PRCD: variants seen among roughly 807,000 people sequenced by gnomAD.
The protein encoded by PRCD is photoreceptor disc component.
Under a neutral mutation model 10.1 loss-of-function variants are expected in PRCD, and 12 were observed. The observed-to-expected ratio is 1.18, with a 90% CI of 0.76 to 1.92. PRCD has a LOEUF of 1.92. Among genes scored for constraint, PRCD ranks in the 40% most tolerant of loss-of-function variants. The pLI is 0.00. For synonymous variants in PRCD, 31 were observed against 26.2 expected, an observed-to-expected ratio of 1.18 and a Z score of -0.56; for missense variants, 61 against 72.2, an observed-to-expected ratio of 0.84 and a Z score of 0.56.
At chr17:76,543,713 C>G (rs2075019132) in intron 4 of PRCD, 90 bp from the exon 5 acceptor site, 1 of 466,130 alleles carries the variant, frequency 2.1e-6, no homozygotes, top group South Asian at 1.6e-5. Flanking sequence ...AGCCCAGGAG[C>G]TATTCTGTTA....
chr17:76,531,985 C>G lies in PRCD; in HGVS notation n.45+4152C>G, dbSNP rs895496741. ...TGCTTCCTTCCCAAACTCTACACCCCCTTCAAGCCCTGCTCTAGTCATAGC... is the reference window on the plus strand; with the variant it reads ...TGCTTCCTTCCCAAACTCTACACCCGCTTCAAGCCCTGCTCTAGTCATAGC... On this transcript the variant is annotated intron_variant and non_coding_transcript_variant, in intron 1 of 4. Coordinates refer to the PRCD transcript ENST00000397633. The surrounding 1 kb of genome is among the most constrained non-coding windows in gnomAD (Gnocchi z 7.4). 29 of 316,170 alleles carry G rather than the reference C, an allele frequency of 9.2e-5. No homozygotes were observed. Among genetic ancestry groups the G allele is most frequent in the African/African-American group, 4.5e-4 (22 of 48,408 alleles). 19.6% of individuals were successfully genotyped at this position (316,170 alleles called of 1,614,324 possible).
upstream of PRCD, among the ~76,000 whole-genome samples, chr17:76,539,402 C>A (rs1399004637): frequency 6.6e-6 from 1 of 152,202 alleles, no homozygotes; most frequent in Non-Finnish European, 1.5e-5. Flanking sequence ...TAAGTGGCTG[C>A]ACCTGTCTAT....
At position 76,545,143 on chromosome 17, in the gene PRCD, C is replaced by T. The variant is rs1210570702; in HGVS notation, c.*1493C>T. 2.0e-5 allele frequency: 9 copies of T among 456,664 alleles called. No homozygotes were observed. In the East Asian group the frequency reaches 6.3e-4, roughly 32 times the overall value. The allele number at this position is 456,664 out of a possible 1,614,324, so 28.3% of individuals were successfully genotyped here. A position where few individuals can be genotyped will look rare whatever the true frequency, so the allele number is the denominator to read the frequency against. ...ACCTTCCCCGCACACCCAGCCCACG[C>T]TCGCCTCTTATTCCCGGGGCCTCTC... On this transcript the variant is annotated 3_prime_UTR_variant, in exon 5 of 5. Coordinates refer to ENST00000592014, the MANE Select transcript of PRCD (RefSeq NM_001077620.3).
intron 4 of PRCD, 113 bp from the exon 5 acceptor site, chr17:76,543,690 C>T (rs1372862156): frequency 2.2e-6 from 1 of 455,848 alleles, no homozygotes; most frequent in Non-Finnish European, 4.6e-6. Flanking sequence ...GCTGGCCTGG[C>T]CAACTGCCTG....
In PRCD at chr17:76,540,100, C is replaced by A. The variant is rs766885858; in HGVS notation, c.-42C>A. On this transcript the variant is annotated 5_prime_UTR_variant, in exon 1 of 5. Transcript: ENST00000592014. The surrounding 1 kb of genome is among the most constrained non-coding windows in gnomAD (Gnocchi z 5.0). The stretch of plus-strand genomic sequence containing the variant: ...GCCATTTTGGCCCCTCGCCTGTGGC[C>A]TTCTGCAGACTTGGCCTGGGAGGGG... The A allele has an allele frequency of 1.3e-6, 2 of 1,575,166 alleles. No individual in the cohort carries two copies. Among genetic ancestry groups the A allele is most frequent in the Admixed American group, 1.8e-5 (1 of 54,238 alleles).
At chr17:76,551,921 G>C (rs1419439594) in intron 1 of PRCD, 5 of 151,526 alleles carry the variant, frequency 3.3e-5, no homozygotes, top group African/African-American at 1.2e-4. Context: ...TGGGGGGGTG[G>C]GGGATAATGA....
chr17:76,543,793 C>T lies in PRCD; in HGVS notation c.*153-10C>T. 1 of 470,886 alleles carries T rather than the reference C, an allele frequency of 2.1e-6. No individual in the cohort carries two copies. Among genetic ancestry groups the T allele is most frequent in the Non-Finnish European group, 4.4e-6 (1 of 227,068 alleles). The allele number at this position is 470,886 out of a possible 1,614,324, so 29.2% of individuals were successfully genotyped here. ...TGGCACTCGCTTTTGTGTCATTTGCCTTTCCCCAGTTCCCAGAGCTCATCC... is the reference window on the plus strand; with the variant it reads ...TGGCACTCGCTTTTGTGTCATTTGCTTTTCCCCAGTTCCCAGAGCTCATCC... On this transcript the variant is annotated splice_polypyrimidine_tract_variant and intron_variant, in intron 4 of 4. Transcript: ENST00000592014.
chr17:76,549,392 GAAGA>G (rs1338439861), downstream of PRCD, among the ~76,000 whole-genome samples: 4 of 152,332 alleles, frequency 2.6e-5, no homozygotes, highest in East Asian at 7.7e-4. Context: ...CTTTGGGAAA[GAAGA>G]AAGATACTCC....
downstream of PRCD, among the ~76,000 whole-genome samples, chr17:76,548,242 A>G (rs942643785): frequency 6.6e-6 from 1 of 151,452 alleles, no homozygotes; most frequent in Non-Finnish European, 1.5e-5. Context: ...GCATACACAT[A>G]CACACAGTCA....
chr17:76,552,939 G>T, intron 1 of PRCD: 1 of 126,162 alleles, frequency 7.9e-6, no homozygotes. Flanking sequence ...GTATATATAT[G>T]TATACATGTA....
At chr17:76,539,832 T>C (rs1412065929), upstream of PRCD, among the ~76,000 whole-genome samples, 2 of 152,176 alleles carry the variant, frequency 1.3e-5, no homozygotes, top group Non-Finnish European at 2.9e-5. Flanking sequence ...GACAGCACAT[T>C]TGTTTAGAGT....
exon 1 of PRCD, chr17:76,527,832 C>T (rs989905522): frequency 5.3e-5 from 24 of 453,384 alleles, no homozygotes; most frequent in East Asian, 3.5e-4. Context: ...CTAGGACAGC[C>T]GGTGAGTCAG....
In PRCD at chr17:76,540,701, G is replaced by A; in HGVS notation, c.143+128G>A. On this transcript the variant is annotated intron_variant, in intron 2 of 4. Coordinates refer to ENST00000592014, the MANE Select transcript of PRCD (RefSeq NM_001077620.3). The surrounding 1 kb of genome is among the most constrained non-coding windows in gnomAD (Gnocchi z 5.0). Reference sequence around the variant, plus strand: ...CACCGTATCCTGGCCCTTGCCCTAAGCACCCTGCTCCCTGTCCGCCTGCTG... The same window carrying A: ...CACCGTATCCTGGCCCTTGCCCTAAACACCCTGCTCCCTGTCCGCCTGCTG... 1.1e-6 allele frequency: 1 copy of A among 918,852 alleles called. No homozygotes were observed. The highest frequency in any genetic ancestry group is 1.4e-5 in the South Asian group (1 of 70,870). The allele number at this position is 918,852 out of a possible 1,614,324, so 56.9% of individuals were successfully genotyped here. A position where few individuals can be genotyped will look rare whatever the true frequency, so the allele number is the denominator to read the frequency against.
chr17:76,528,643 GT>G lies in PRCD; in HGVS notation n.45+812del. 1 of 1,267,678 alleles carries G rather than the reference GT, an allele frequency of 7.9e-7. No individual in the cohort carries two copies. Among genetic ancestry groups the G allele is most frequent in the East Asian group, 3.0e-5 (1 of 32,840 alleles). 78.5% of individuals were successfully genotyped at this position (1,267,678 alleles called of 1,614,324 possible). On this transcript the variant is annotated intron_variant and non_coding_transcript_variant, in intron 1 of 4. Coordinates refer to the PRCD transcript ENST00000397633. The surrounding 1 kb of genome is among the most constrained non-coding windows in gnomAD (Gnocchi z 5.8). ...ACGAGATAGGAAGGGAAGGACAAAC[GT>G]TACCAGAGGCAGGGAAGGACCCTCG...
At chr17:76,551,986 C>T (rs1300051144) in intron 1 of PRCD, 2 of 152,070 alleles carry the variant, frequency 1.3e-5, no homozygotes, top group African/African-American at 4.8e-5. Flanking sequence ...TTCCAGAGTA[C>T]CTGCCACAGA....
chr17:76,529,161 TTCTAGGACTCTAC>T (rs1459915079), intron 1 of PRCD: 1 of 983,012 alleles, frequency 1.0e-6, no homozygotes, highest in Non-Finnish European at 1.2e-6. Flanking sequence ...GGCGAGGGCC[TTCTAGGACTCTAC>T]TCTGTAACTC....
Position 76,531,396 on chromosome 17 carries a change from T to C in PRCD, n.45+3563T>C. 1 of 1,553,358 alleles carries C rather than the reference T, an allele frequency of 6.4e-7. No individual in the cohort carries two copies. Among genetic ancestry groups the C allele is most frequent in the Non-Finnish European group, 8.8e-7 (1 of 1,136,726 alleles). On this transcript the variant is annotated intron_variant and non_coding_transcript_variant, in intron 1 of 4. Coordinates refer to the PRCD transcript ENST00000397633. The surrounding 1 kb of genome is among the most constrained non-coding windows in gnomAD (Gnocchi z 7.4). Reference sequence around the variant, plus strand: ...TGCTCCAGAGAGCCGTCGCAGAGCCTGCGAGCTGCAGATGGCCATGACGCG... The same window carrying C: ...TGCTCCAGAGAGCCGTCGCAGAGCCCGCGAGCTGCAGATGGCCATGACGCG...
Position 76,540,523 on chromosome 17 carries a change from TGGGGCAGCTA to T in PRCD, c.102_111del (p.Arg35AlafsTer16), listed in dbSNP as rs1009828411. 1 of 1,612,898 alleles carries T rather than the reference TGGGGCAGCTA, an allele frequency of 6.2e-7. No homozygotes were observed. Among genetic ancestry groups the T allele is most frequent in the Non-Finnish European group, 8.5e-7 (1 of 1,179,742 alleles). ...CCCACAGAGAGCCCAGCGACGTGGA[TGGGGCAGCTA>T]GGGGCAGCAGCTTGGATGCGGACCC... On this transcript the variant is annotated frameshift_variant, in exon 2 of 5. Transcript: ENST00000592014. LOFTEE classifies it high-confidence loss of function. The surrounding 1 kb of genome is among the most constrained non-coding windows in gnomAD (Gnocchi z 5.0).
intron 1 of PRCD, chr17:76,529,153 C>T (rs923851524): frequency 6.2e-5 from 61 of 981,202 alleles, no homozygotes; most frequent in Non-Finnish European, 7.0e-5. Context: ...AGAAGTTGGG[C>T]GAGGGCCTTC....
Sources: allele counts gnomAD v4.1 joint callset (sites outside exome capture counted in the v4.1 genomes callset), GRCh38; gene constraint gnomAD v4.1.1; non-coding constraint Gnocchi (gnomAD v3.1); transcripts MANE v1.5; gene names NCBI Gene and HGNC (gene_info 2026-07-23, HGNC 2026-07-21).